Variants in CCDC171 observed in about 807,000 individuals in gnomAD.
The protein encoded by CCDC171 is coiled-coil domain containing 171.
CCDC171 carries 177 observed loss-of-function variants against 168.2 expected under a neutral mutation model. The observed-to-expected ratio is 1.05, with a 90% CI of 0.93 to 1.19. The LOEUF (loss-of-function observed/expected upper bound fraction) is 1.19. Ranked by LOEUF, CCDC171 falls within the 50% of genes most tolerant of loss-of-function variation. The pLI, the probability that CCDC171 is intolerant of heterozygous loss-of-function variation, is 0.00. For synonymous variants in CCDC171, 687 were observed against 540.8 expected (o/e 1.27, Z -3.75); for missense variants, 1,991 against 1,539.0 (o/e 1.29, Z -4.91).
intron 6 of CCDC171, among the ~76,000 whole-genome samples, chr9:15,614,888 G>C (rs1483758737): frequency 1.3e-5 from 2 of 152,104 alleles, no homozygotes; most frequent in African/African-American, 4.8e-5. Context: ...AAATAGAAAA[G>C]CTGAATACTA....
intron 18 of CCDC171, among the ~76,000 whole-genome samples, chr9:15,757,734 C>T (rs996901900): frequency 6.6e-6 from 1 of 152,132 alleles, no homozygotes; most frequent in Non-Finnish European, 1.5e-5. Flanking sequence ...CAGGGTCCCC[C>T]GTGCTGTGGT....
At position 16,012,055 on chromosome 9, in the gene CCDC171, G is replaced by A. The variant is rs528483055; in HGVS notation, n.369-8534G>A. On this transcript the variant is annotated intron_variant and non_coding_transcript_variant, in intron 3 of 9. Transcript: ENST00000486641. ...TCTGATAGCATCAGATCCCCTTGTG[G>A]ACTGATCTGCAAATAGGAAGTTCTC... 3.9e-5 allele frequency among the ~76,000 whole-genome samples: 6 copies of A among 152,242 alleles called. No homozygotes were observed. The South Asian group carries it at 1.2e-3, about 32-fold the overall frequency.
chr9:15,728,021 CA>C lies in CCDC171; in HGVS notation c.1846del (p.Arg616GlyfsTer6). 1 of 1,612,128 alleles carries C rather than the reference CA, an allele frequency of 6.2e-7. No homozygotes were observed. The highest frequency in any genetic ancestry group is 8.5e-7 in the Non-Finnish European group (1 of 1,179,006). ...NVDALIADLN[R>X]ANEKIRHLEY... The stretch of plus-strand genomic sequence containing the variant: ...TTGATGCCCTGATTGCAGACCTCAA[CA>C]GGGCTAATGAGAAGGTAACTGTCCT... On this transcript the variant is annotated frameshift_variant, in exon 15 of 26. Transcript: ENST00000380701. LOFTEE classifies it high-confidence loss of function.
chr9:15,759,622 C>G (rs2056337040), intron 18 of CCDC171, among the ~76,000 whole-genome samples: 1 of 152,134 alleles, frequency 6.6e-6, no homozygotes, highest in Admixed American at 6.5e-5. Flanking sequence ...AGATTGCAGG[C>G]TAGTTATTTG....
chr9:15,830,292 A>C (rs2060176071), intron 21 of CCDC171, among the ~76,000 whole-genome samples: 1 of 152,156 alleles, frequency 6.6e-6, no homozygotes. Context: ...TGACCTATTG[A>C]GATTTATTTT....
intron 16 of CCDC171, among the ~76,000 whole-genome samples, chr9:15,738,350 A>G (rs909517569): frequency 1.3e-5 from 2 of 152,186 alleles, no homozygotes; most frequent in African/African-American, 4.8e-5. Context: ...AATTTATTAG[A>G]GAGTAAAGGA....
At chr9:15,641,663 G>C (rs2046615743) in intron 7 of CCDC171, among the ~76,000 whole-genome samples, 1 of 152,098 alleles carries the variant, frequency 6.6e-6, no homozygotes, top group South Asian at 2.1e-4. Context: ...CCTCTTGAAA[G>C]ACTGAAAACC....
At chr9:15,805,028 TA>T (rs113219670) in intron 21 of CCDC171, among the ~76,000 whole-genome samples, 4,266 of 152,226 alleles carry the variant, frequency 0.028, 197 homozygotes, top group African/African-American at 0.095. Context: ...CTAGATTTTC[TA>T]GTTTATGTAC....
chr9:16,031,382 T>C (rs1413318411), intron 6 of CCDC171, among the ~76,000 whole-genome samples: 2 of 152,174 alleles, frequency 1.3e-5, no homozygotes, highest in African/African-American at 4.8e-5. Context: ...TGAAAGAATG[T>C]TCAGTAAAAA....
intron 25 of CCDC171, among the ~76,000 whole-genome samples, chr9:15,923,897 T>C (rs1825616429): frequency 6.6e-6 from 1 of 151,350 alleles, no homozygotes; most frequent in Admixed American, 6.6e-5. Context: ...TGTCATAAGA[T>C]TGCAGCCCAG....
At chr9:15,851,866 C>T (rs988472661) in intron 23 of CCDC171, among the ~76,000 whole-genome samples, 1 of 151,808 alleles carries the variant, frequency 6.6e-6, no homozygotes, top group Non-Finnish European at 1.5e-5. Flanking sequence ...TTTCATTTAG[C>T]ATAATTTATT....
intron 3 of CCDC171, among the ~76,000 whole-genome samples, chr9:16,013,631 T>TA (rs1436139533): frequency 3.9e-5 from 6 of 152,230 alleles, no homozygotes; most frequent in South Asian, 2.1e-4. Context: ...AACTTTAAGA[T>TA]AAAAAAAGCA....
intron 25 of CCDC171, among the ~76,000 whole-genome samples, chr9:15,933,692 C>T (rs1826786567): frequency 6.6e-6 from 1 of 151,876 alleles, no homozygotes; most frequent in South Asian, 2.1e-4. Context: ...TGTTTCCATT[C>T]TCATTTGTCT....
chr9:15,766,229 C>T (rs1049179715), intron 18 of CCDC171, among the ~76,000 whole-genome samples: 5 of 152,076 alleles, frequency 3.3e-5, no homozygotes, highest in African/African-American at 7.2e-5. Flanking sequence ...CCTGCTGTCT[C>T]CTGTGCCGTG....
At position 15,921,195 on chromosome 9, in the gene CCDC171, G is replaced by A. The variant is rs372377716; in HGVS notation, c.3753+773G>A. ...CATTTTGCTATTCCGCTGTTGACCC[G>A]CTTCAAATGCTACATTCAACAGAAA... On this transcript the variant is annotated intron_variant, in intron 25 of 25. Coordinates refer to ENST00000380701, the MANE Select transcript of CCDC171 (RefSeq NM_173550.4). Among the ~76,000 whole-genome samples the A allele has an allele frequency of 4.6e-5, 7 of 151,616 alleles. No homozygotes were observed. In the East Asian group the frequency reaches 5.8e-4, roughly 13 times the overall value.
chr9:15,803,116 G>C (rs924338626), intron 21 of CCDC171, among the ~76,000 whole-genome samples: 3 of 151,514 alleles, frequency 2.0e-5, no homozygotes, highest in African/African-American at 7.3e-5. Context: ...TTGGTTGGTT[G>C]TTTGTTTTGT....
intron 3 of CCDC171, among the ~76,000 whole-genome samples, chr9:15,995,884 C>G (rs1246203574): frequency 6.6e-6 from 1 of 152,124 alleles, no homozygotes; most frequent in Non-Finnish European, 1.5e-5. Context: ...TGGGGTAGAT[C>G]CACTCTTTCA....
chr9:16,081,488 T>C, the CCDC171 span, among the ~76,000 whole-genome samples: 2 of 152,094 alleles, frequency 1.3e-5, no homozygotes, highest in African/African-American at 4.8e-5. Context: ...TCACTGAACA[T>C]GAACAAGAAA....
chr9:16,093,477 A>G, the CCDC171 span, among the ~76,000 whole-genome samples: 1 of 152,252 alleles, frequency 6.6e-6, no homozygotes, highest in African/African-American at 2.4e-5. Flanking sequence ...GGAAAGGTTG[A>G]GCATCTGAAG....
Sources: allele counts gnomAD v4.1 joint callset (sites outside exome capture counted in the v4.1 genomes callset), GRCh38; gene constraint gnomAD v4.1.1; transcripts MANE v1.5; gene names NCBI Gene and HGNC (gene_info 2026-07-23, HGNC 2026-07-21).